Variants in RAD51B observed in about 807,000 individuals in gnomAD.
The protein encoded by RAD51B is RAD51 paralog B.
In RAD51B, 38 loss-of-function variants were observed where a neutral mutation model predicts 42.2. The observed-to-expected ratio is 0.90, with a 90% CI of 0.70 to 1.18. The LOEUF (loss-of-function observed/expected upper bound fraction) is 1.18. RAD51B is among the 50% of genes most tolerant of loss of function. The pLI is 0.00. For synonymous variants in RAD51B, 154 were observed against 145.2 expected (o/e 1.06, Z -0.43); for missense variants, 373 against 400.7 (o/e 0.93, Z 0.59).
intron 7 of RAD51B, among the ~76,000 whole-genome samples, chr14:68,099,693 G>A (rs780624103): frequency 6.6e-6 from 1 of 152,182 alleles, no homozygotes; most frequent in East Asian, 1.9e-4. Flanking sequence ...TTGCAAATTC[G>A]TTTTCTTCTG....
At chr14:68,523,048 A>G (rs1254660097) in intron 10 of RAD51B, among the ~76,000 whole-genome samples, 1 of 152,224 alleles carries the variant, frequency 6.6e-6, no homozygotes. Context: ...ACTTGGTAAG[A>G]TAAAGTGAAT....
At chr14:68,153,335 C>T (rs902337902) in intron 7 of RAD51B, among the ~76,000 whole-genome samples, 4 of 151,974 alleles carry the variant, frequency 2.6e-5, no homozygotes, top group African/African-American at 7.3e-5. Context: ...CAGTGGTTAT[C>T]CTTTCCAGTG....
chr14:68,633,618 C>T (rs1026287866), intron 10 of RAD51B, among the ~76,000 whole-genome samples: 2 of 152,198 alleles, frequency 1.3e-5, no homozygotes, highest in Non-Finnish European at 2.9e-5. Flanking sequence ...GTCTATTGTT[C>T]GCTTTCTTGT....
chr14:67,856,885 T>C (rs903002318), intron 4 of RAD51B, among the ~76,000 whole-genome samples: 8 of 152,200 alleles, frequency 5.3e-5, no homozygotes, highest in Admixed American at 5.2e-4. Flanking sequence ...AAGCAGGTTG[T>C]TGAAACTTTG....
At chr14:68,287,196 T>G (rs1255149183) in intron 7 of RAD51B, among the ~76,000 whole-genome samples, 1 of 152,216 alleles carries the variant, frequency 6.6e-6, no homozygotes, top group Non-Finnish European at 1.5e-5. Flanking sequence ...TACCCCGTAT[T>G]TCTTTTTTAA....
intron 7 of RAD51B, among the ~76,000 whole-genome samples, chr14:67,941,119 G>A (rs2045191698): frequency 6.6e-6 from 1 of 152,092 alleles, no homozygotes; most frequent in Non-Finnish European, 1.5e-5. Context: ...AAGTATTTTT[G>A]CATTTTATAC....
intron 10 of RAD51B, among the ~76,000 whole-genome samples, chr14:68,587,184 G>C (rs549750604): frequency 3.9e-5 from 6 of 152,184 alleles, no homozygotes; most frequent in Non-Finnish European, 7.3e-5. Flanking sequence ...ACACAAAAGA[G>C]GGGGAGAGTG....
chr14:68,534,775 G>A (rs1887517864), intron 10 of RAD51B, among the ~76,000 whole-genome samples: 1 of 151,682 alleles, frequency 6.6e-6, no homozygotes, highest in East Asian at 1.9e-4. Flanking sequence ...AATTCCACAA[G>A]GGTAGAGATC....
chr14:68,556,080 T>A (rs1416497881), intron 10 of RAD51B, among the ~76,000 whole-genome samples: 1 of 152,262 alleles, frequency 6.6e-6, no homozygotes, highest in Non-Finnish European at 1.5e-5. Context: ...GTACTAGTGT[T>A]CTTCTTAAGA....
At chr14:68,468,078 A>G in intron 9 of RAD51B, 94 bp from the exon 10 acceptor site, 7 of 1,049,542 alleles carry the variant, frequency 6.7e-6, no homozygotes, top group Non-Finnish European at 9.0e-6. Flanking sequence ...TTACAGTCCT[A>G]TGTTACCACT....
At chr14:68,471,480 C>G (rs1307460502) in intron 10 of RAD51B, among the ~76,000 whole-genome samples, 1 of 152,058 alleles carries the variant, frequency 6.6e-6, no homozygotes, top group Non-Finnish European at 1.5e-5. Flanking sequence ...CTCACCGGTT[C>G]TCAAGGATTA....
chr14:68,611,004 AGTT>A lies in RAD51B; in HGVS notation c.1039_1041del (p.Val347del). On this transcript the variant is annotated splice_acceptor_variant and coding_sequence_variant, in exon 11 of 11. Coordinates refer to the RAD51B transcript ENST00000487861. LOFTEE classifies it high-confidence loss of function. ...ATCTGATCTTATTCTCTCATTTCAC[AGTT>A]GTTAGAACTGTGGCCAGAGTCAGCC... The A allele has an allele frequency of 1.4e-6, 1 of 702,710 alleles. No homozygotes were observed. Among genetic ancestry groups the A allele is most frequent in the Non-Finnish European group, 2.6e-6 (1 of 384,786 alleles). The allele number at this position is 702,710 out of a possible 1,614,324, so 43.5% of individuals were successfully genotyped here.
At chr14:68,042,471 C>G (rs1431457618) in intron 7 of RAD51B, among the ~76,000 whole-genome samples, 1 of 152,178 alleles carries the variant, frequency 6.6e-6, no homozygotes, top group African/African-American at 2.4e-5. Flanking sequence ...ATTTCAGACT[C>G]TGAAAGATCT....
chr14:68,634,798 G>A (rs1892308949), intron 10 of RAD51B, among the ~76,000 whole-genome samples: 2 of 152,194 alleles, frequency 1.3e-5, no homozygotes, highest in South Asian at 4.1e-4. Context: ...AGAGATTGGG[G>A]ATTCATTTAC....
chr14:67,912,788 C>T (rs2044028952), intron 7 of RAD51B, among the ~76,000 whole-genome samples: 1 of 151,900 alleles, frequency 6.6e-6, no homozygotes, highest in African/African-American at 2.4e-5. Context: ...TCACTGCAAC[C>T]TCTGTCTCCC....
chr14:68,650,347 T>G (rs1184417811), intron 10 of RAD51B, among the ~76,000 whole-genome samples: 1 of 152,220 alleles, frequency 6.6e-6, no homozygotes, highest in Non-Finnish European at 1.5e-5. Flanking sequence ...CCCCAGGATC[T>G]TATAGAACAC....
At chr14:68,436,069 G>T (rs1594834936) in intron 9 of RAD51B, among the ~76,000 whole-genome samples, 1 of 152,214 alleles carries the variant, frequency 6.6e-6, no homozygotes, top group East Asian at 1.9e-4. Context: ...ATTTGCTTTT[G>T]AGGGCTTAGT....
intron 8 of RAD51B, among the ~76,000 whole-genome samples, chr14:68,371,739 T>A (rs1426086133): frequency 6.6e-6 from 1 of 152,154 alleles, no homozygotes; most frequent in Admixed American, 6.5e-5. Context: ...TAGTCCCAGC[T>A]ACTTGGGGGG....
chr14:68,042,503 A>G (rs542914010), intron 7 of RAD51B, among the ~76,000 whole-genome samples: 1 of 152,322 alleles, frequency 6.6e-6, no homozygotes, highest in South Asian at 2.1e-4. Context: ...AAATGTAGAC[A>G]TACCTATCCC....
Sources: allele counts gnomAD v4.1 joint callset (sites outside exome capture counted in the v4.1 genomes callset), GRCh38; gene constraint gnomAD v4.1.1; transcripts MANE v1.5; gene names NCBI Gene and HGNC (gene_info 2026-07-23, HGNC 2026-07-21).